Variants in TMEM74 observed in about 807,000 individuals in gnomAD.
TMEM74 encodes the protein transmembrane protein 74.
In TMEM74, 13 loss-of-function variants were observed where a neutral mutation model predicts 18.1. The observed-to-expected ratio is 0.72, with a 90% confidence interval of 0.47 to 1.14. TMEM74 has a LOEUF of 1.14. Among genes scored for constraint, TMEM74 ranks in the 50% most tolerant of loss-of-function variants. The pLI is 0.00. For synonymous variants in TMEM74, 159 were observed against 146.6 expected (o/e 1.08, Z -0.61); for missense variants, 372 against 375.9 (o/e 0.99, Z 0.09).
At chr8:108,652,663 A>G (rs555894973) in intron 2 of TMEM74, 5 of 607,896 alleles carry the variant, frequency 8.2e-6, no homozygotes, top group African/African-American at 3.7e-5. Context: ...AGAAAAGCCA[A>G]TTGTGCAGAA....
At chr8:108,689,993 C>T (rs1205499290) in intron 1 of TMEM74, among the ~76,000 whole-genome samples, 2 of 152,064 alleles carry the variant, frequency 1.3e-5, no homozygotes, top group African/African-American at 2.4e-5. Flanking sequence ...AAAGGATAAA[C>T]AACTTTTTTA....
chr8:108,636,627 A>G (rs917315762), intron 2 of TMEM74, among the ~76,000 whole-genome samples: 2 of 152,048 alleles, frequency 1.3e-5, no homozygotes, highest in African/African-American at 4.8e-5. Flanking sequence ...TCAGTATGTT[A>G]GTCTGTGAAG....
At chr8:108,687,602 T>C (rs185791718) in intron 1 of TMEM74, among the ~76,000 whole-genome samples, 5 of 152,202 alleles carry the variant, frequency 3.3e-5, no homozygotes, top group Admixed American at 3.3e-4. Context: ...GTGGGAGCCA[T>C]GAGCTTGTTT....
chr8:108,775,930 C>G (rs73700370), downstream of TMEM74, among the ~76,000 whole-genome samples: 1 of 152,138 alleles, frequency 6.6e-6, no homozygotes, highest in Non-Finnish European at 1.5e-5. Context: ...AAAATAAGTT[C>G]AATTTTTAGC....
At chr8:108,715,812 A>G (rs966598165) in intron 1 of TMEM74, among the ~76,000 whole-genome samples, 1 of 152,100 alleles carries the variant, frequency 6.6e-6, no homozygotes, top group South Asian at 2.1e-4. Context: ...TAAAACAAAA[A>G]TTAAATTATA....
At chr8:108,762,590 G>T (rs1814057889) in intron 1 of TMEM74, among the ~76,000 whole-genome samples, 1 of 151,948 alleles carries the variant, frequency 6.6e-6, no homozygotes, top group African/African-American at 2.4e-5. Context: ...CAAGCTTCAG[G>T]TCTCAGCTCC....
chr8:108,693,206 G>A lies in TMEM74; in HGVS notation n.120-37769C>T, dbSNP rs151191493. On this transcript the variant is annotated intron_variant and non_coding_transcript_variant, in intron 1 of 3. Transcript: ENST00000518838. ...GAGTATTATATAAAAGGATAGTGAA[G>A]GGAGATAGGGTCAGAAAATTCTGTA... 3.0e-3 allele frequency among the ~76,000 whole-genome samples: 459 copies of A among 152,256 alleles called. 4 individuals are homozygous for A. Among genetic ancestry groups the A allele is most frequent in the South Asian group, 5.4e-3 (26 of 4,824 alleles).
At chr8:108,623,455 C>T (rs1470760122) in intron 2 of TMEM74, among the ~76,000 whole-genome samples, 1 of 152,034 alleles carries the variant, frequency 6.6e-6, no homozygotes, top group Admixed American at 6.6e-5. Context: ...TGCTGGTCTC[C>T]AGTATTTCTC....
intron 1 of TMEM74, among the ~76,000 whole-genome samples, chr8:108,666,308 A>C (rs1259360306): frequency 6.6e-6 from 1 of 152,178 alleles, no homozygotes; most frequent in Non-Finnish European, 1.5e-5. Context: ...AAAGCTAATC[A>C]TTGCTTAGGA....
chr8:108,722,613 C>T (rs763613088), intron 1 of TMEM74, among the ~76,000 whole-genome samples: 4 of 152,164 alleles, frequency 2.6e-5, no homozygotes, highest in Non-Finnish European at 5.9e-5. Context: ...GGTAATAATG[C>T]TTACCTTGTT....
At chr8:108,643,696 C>T (rs560691919) in intron 2 of TMEM74, among the ~76,000 whole-genome samples, 16 of 151,234 alleles carry the variant, frequency 1.1e-4, no homozygotes, top group Admixed American at 5.3e-4. Context: ...ATGGCAAGAA[C>T]GCATCTCTAA....
intron 2 of TMEM74, among the ~76,000 whole-genome samples, chr8:108,620,052 G>T (rs1303065806): frequency 6.6e-6 from 1 of 152,044 alleles, no homozygotes; most frequent in South Asian, 2.1e-4. Flanking sequence ...TGTCATAGAG[G>T]TAGGGGTAAT....
intron 1 of TMEM74, among the ~76,000 whole-genome samples, chr8:108,740,869 TA>T (rs1813793511): frequency 6.6e-6 from 1 of 152,204 alleles, no homozygotes; most frequent in Non-Finnish European, 1.5e-5. Context: ...CATGTGCACC[TA>T]AAACTATGTG....
intron 1 of TMEM74, among the ~76,000 whole-genome samples, chr8:108,747,328 T>G (rs1456637495): frequency 6.6e-6 from 1 of 152,018 alleles, no homozygotes; most frequent in Non-Finnish European, 1.5e-5. Flanking sequence ...TATACAATGT[T>G]CCTTTCTAGC....
chr8:108,734,541 G>A (rs952147701), intron 1 of TMEM74, among the ~76,000 whole-genome samples: 4 of 151,762 alleles, frequency 2.6e-5, no homozygotes, highest in Non-Finnish European at 2.9e-5. Flanking sequence ...ATTTTTCTTC[G>A]CTAAATCGTC....
At chr8:108,772,808 T>G (rs995828167) in intron 1 of TMEM74, among the ~76,000 whole-genome samples, 5 of 152,196 alleles carry the variant, frequency 3.3e-5, no homozygotes, top group African/African-American at 1.2e-4. Flanking sequence ...ATGAGCTGTG[T>G]GACCTTGGGG....
intron 1 of TMEM74, among the ~76,000 whole-genome samples, chr8:108,786,455 G>GAC (rs965714111): frequency 6.6e-6 from 1 of 152,176 alleles, no homozygotes; most frequent in Non-Finnish European, 1.5e-5. Context: ...GCTGGTAACA[G>GAC]AAACACAGGC....
intron 1 of TMEM74, among the ~76,000 whole-genome samples, chr8:108,753,596 C>T (rs1360907407): frequency 1.3e-5 from 2 of 152,096 alleles, no homozygotes; most frequent in Non-Finnish European, 2.9e-5. Context: ...ACTTCAAGGA[C>T]ACCAATTGTA....
chr8:108,665,769 T>C (rs1224186948), intron 1 of TMEM74, among the ~76,000 whole-genome samples: 1 of 152,058 alleles, frequency 6.6e-6, no homozygotes, highest in Non-Finnish European at 1.5e-5. Context: ...TAGATAACAG[T>C]ACTATTTTGG....
Sources: allele counts gnomAD v4.1 joint callset (sites outside exome capture counted in the v4.1 genomes callset), GRCh38; gene constraint gnomAD v4.1.1; transcripts MANE v1.5; gene names NCBI Gene and HGNC (gene_info 2026-07-23, HGNC 2026-07-21).